RALGPS1: variants seen among roughly 807,000 people sequenced by gnomAD.
The protein encoded by RALGPS1 is ras-specific guanine nucleotide-releasing factor RalGPS1.
In RALGPS1, 19 loss-of-function variants were observed where a neutral mutation model predicts 78.8. The observed-to-expected ratio is 0.24, with a 90% CI of 0.17 to 0.35. RALGPS1 has a LOEUF of 0.35. Ranked by LOEUF, RALGPS1 falls within the 10% of genes least tolerant of loss-of-function variation. The pLI is 1.00. For synonymous variants in RALGPS1, 228 were observed against 256.3 expected (o/e 0.89, Z 1.06); for missense variants, 454 against 688.3 (o/e 0.66, Z 3.81).
chr9:127,108,426 C>A, intron 8 of RALGPS1: 1 of 1,608,402 alleles, frequency 6.2e-7, no homozygotes. Context: ...GCGTCTCGAT[C>A]TGCCGCTTCT....
At chr9:127,022,511 C>CA (rs1226358886) in intron 4 of RALGPS1, among the ~76,000 whole-genome samples, 3 of 146,498 alleles carry the variant, frequency 2.0e-5, no homozygotes, top group Non-Finnish European at 4.5e-5. Context: ...TTTCCCATCC[C>CA]ATGCAGAAAA....
intron 11 of RALGPS1, among the ~76,000 whole-genome samples, chr9:127,182,852 C>T (rs1001741540): frequency 6.6e-6 from 1 of 152,162 alleles, no homozygotes; most frequent in Non-Finnish European, 1.5e-5. Flanking sequence ...TCTTGCATCA[C>T]CATAAATAAA....
chr9:127,213,151 C>T, intron 17 of RALGPS1, 102 bp downstream of exon 17: 1 of 1,519,642 alleles, frequency 6.6e-7, no homozygotes, highest in Non-Finnish European at 8.8e-7. Flanking sequence ...GAGGCTGCTG[C>T]CTTCCCTTTG....
intron 9 of RALGPS1, 108 bp from the exon 10 acceptor site, chr9:127,168,571 G>A: frequency 1.3e-6 from 1 of 785,010 alleles, no homozygotes; most frequent in Non-Finnish European, 2.2e-6. Context: ...AAGAGTGAAT[G>A]AGTCTCAGTA....
intron 4 of RALGPS1, among the ~76,000 whole-genome samples, chr9:127,001,085 CTACAA>C (rs1441150594): frequency 1.7e-5 from 2 of 119,022 alleles, no homozygotes; most frequent in African/African-American, 6.7e-5. Context: ...GACTCTGTCT[CTACAA>C]AACAAAACAA....
At chr9:126,983,157 G>A (rs62578949) in intron 4 of RALGPS1, among the ~76,000 whole-genome samples, 3,547 of 151,862 alleles carry the variant, frequency 0.023, 45 homozygotes, top group Middle Eastern at 0.048. Flanking sequence ...GGCTGGTCTC[G>A]AATTCCTGAC....
rs2131075115 is a variant in RALGPS1 at position 127,219,653 on chromosome 9, C to T, written c.*884C>T. 6.5e-6 allele frequency: 1 copy of T among 152,830 alleles called. No homozygotes were observed. The highest frequency in any genetic ancestry group is 3.4e-3 in the Middle Eastern group (1 of 294). The allele number at this position is 152,830 out of a possible 1,614,324, so 9.5% of individuals were successfully genotyped here. A position where few individuals can be genotyped will look rare whatever the true frequency, so the allele number is the denominator to read the frequency against. ...CTGAGGCCCTCCTCTTCTCGCCCTT[C>T]CCACCATGCCAGAATGGGAAGTTGT... On this transcript the variant is annotated 3_prime_UTR_variant, in exon 19 of 19. Coordinates refer to ENST00000259351, the MANE Select transcript of RALGPS1 (RefSeq NM_014636.3). The surrounding 1 kb of genome is among the most constrained non-coding windows in gnomAD (Gnocchi z 5.0).
intron 4 of RALGPS1, among the ~76,000 whole-genome samples, chr9:126,992,963 G>A (rs1273824956): frequency 2.6e-5 from 4 of 152,226 alleles, no homozygotes; most frequent in Admixed American, 2.6e-4. Context: ...TAGAAGAAAA[G>A]TGGCCTTTAC....
At chr9:126,925,453 C>T (rs975332979) in intron 1 of RALGPS1, among the ~76,000 whole-genome samples, 10 of 151,672 alleles carry the variant, frequency 6.6e-5, no homozygotes, top group Admixed American at 6.6e-5. Flanking sequence ...GAGGCCTAGG[C>T]AGGAGAATCA....
At chr9:127,115,283 G>A (rs1044760768) in intron 8 of RALGPS1, among the ~76,000 whole-genome samples, 1 of 152,078 alleles carries the variant, frequency 6.6e-6, no homozygotes, top group Non-Finnish European at 1.5e-5. Flanking sequence ...TCTGCCTCCC[G>A]CTTTCAAGCA....
intron 4 of RALGPS1, among the ~76,000 whole-genome samples, chr9:127,021,238 G>A (rs544502922): frequency 2.0e-5 from 3 of 152,102 alleles, no homozygotes; most frequent in East Asian, 1.9e-4. Context: ...TTGGTGGCTC[G>A]CAGTTGTAAT....
chr9:127,108,072 G>A, intron 8 of RALGPS1: 1 of 1,611,636 alleles, frequency 6.2e-7, no homozygotes, highest in Non-Finnish European at 8.5e-7. Flanking sequence ...CCCGGGGCGG[G>A]GCAGCGGGGG....
intron 1 of RALGPS1, among the ~76,000 whole-genome samples, chr9:126,923,608 A>C (rs1472794176): frequency 1.3e-5 from 2 of 152,234 alleles, no homozygotes; most frequent in Non-Finnish European, 2.9e-5. Flanking sequence ...AAATGGCTAA[A>C]GTATAGTAAT....
intron 11 of RALGPS1, among the ~76,000 whole-genome samples, chr9:127,181,146 G>A (rs1332525716): frequency 1.3e-5 from 2 of 152,244 alleles, no homozygotes; most frequent in Non-Finnish European, 2.9e-5. Flanking sequence ...GGAGAGGGAC[G>A]TAGACCCTAC....
At chr9:127,150,445 T>C (rs2058352390) in intron 8 of RALGPS1, among the ~76,000 whole-genome samples, 1 of 152,242 alleles carries the variant, frequency 6.6e-6, no homozygotes, top group Non-Finnish European at 1.5e-5. Context: ...CTTTAGGCTT[T>C]CCAAGCTCCA....
chr9:127,025,220 A>C (rs191471645), intron 4 of RALGPS1, among the ~76,000 whole-genome samples: 17 of 152,178 alleles, frequency 1.1e-4, no homozygotes, highest in Admixed American at 8.5e-4. Flanking sequence ...TGTATGCGTC[A>C]CTCTGTCATT....
At chr9:126,964,368 CAAA>C (rs1188705839) in intron 2 of RALGPS1, among the ~76,000 whole-genome samples, 10 of 42,882 alleles carry the variant, frequency 2.3e-4, no homozygotes, top group East Asian at 5.8e-4. Context: ...GACTCCCACT[CAAA>C]AAAAAAAAAA....
At chr9:127,153,617 C>T (rs561092600) in intron 8 of RALGPS1, among the ~76,000 whole-genome samples, 1 of 152,254 alleles carries the variant, frequency 6.6e-6, no homozygotes, top group East Asian at 1.9e-4. Flanking sequence ...TTCCTAAGCA[C>T]ATCACCCTGT....
Position 127,074,597 on chromosome 9 carries a change from G to T in RALGPS1, c.610+5241G>T, listed in dbSNP as rs58002816. Among the ~76,000 whole-genome samples the T allele has an allele frequency of 9.0e-3, 1,368 of 152,330 alleles. 12 individuals carry two copies. Among genetic ancestry groups the T allele is most frequent in the African/African-American group, 0.022 (924 of 41,566 alleles). On this transcript the variant is annotated intron_variant, in intron 8 of 18. Coordinates refer to ENST00000259351, the MANE Select transcript of RALGPS1 (RefSeq NM_014636.3). The stretch of plus-strand genomic sequence containing the variant: ...AGGTGTTCCAGGGTCATTAAGGATG[G>T]CCTCTTTTCTCGAATAAGGATGATC...
Sources: allele counts gnomAD v4.1 joint callset (sites outside exome capture counted in the v4.1 genomes callset), GRCh38; gene constraint gnomAD v4.1.1; non-coding constraint Gnocchi (gnomAD v3.1); transcripts MANE v1.5; gene names NCBI Gene and HGNC (gene_info 2026-07-23, HGNC 2026-07-21).